Variants in REDIC1 observed in about 807,000 individuals in gnomAD.
REDIC1 encodes regulator of DNA class I crossover intermediates 1.
the REDIC1 span, among the ~76,000 whole-genome samples, chr12:39,768,962 C>A: frequency 1.3e-5 from 2 of 152,070 alleles, no homozygotes; most frequent in East Asian, 3.9e-4. Context: ...TCACTAGCCT[C>A]TAGAATCCAT....
At chr12:39,751,597 G>C in the REDIC1 span, among the ~76,000 whole-genome samples, 7 of 152,142 alleles carry the variant, frequency 4.6e-5, no homozygotes, top group African/African-American at 1.7e-4. Context: ...AAAGACACAT[G>C]GACATGTATG....
chr12:39,765,532 A>G, the REDIC1 span, among the ~76,000 whole-genome samples: 1 of 151,884 alleles, frequency 6.6e-6, no homozygotes, highest in African/African-American at 2.4e-5. Context: ...CCTATCCCCT[A>G]TTGTCAATTT....
the REDIC1 span, among the ~76,000 whole-genome samples, chr12:39,889,973 T>C: frequency 6.6e-6 from 1 of 152,200 alleles, no homozygotes; most frequent in Admixed American, 6.5e-5. Flanking sequence ...CTCTGGCCAA[T>C]AATATTTTAC....
chr12:39,658,104 A>T, the REDIC1 span, among the ~76,000 whole-genome samples: 1 of 150,230 alleles, frequency 6.7e-6, no homozygotes, highest in Non-Finnish European at 1.5e-5. Context: ...TTTTTGAGAC[A>T]GTGTCTAGCT....
the REDIC1 span, among the ~76,000 whole-genome samples, chr12:39,744,588 G>A: frequency 6.6e-6 from 1 of 152,086 alleles, no homozygotes; most frequent in Admixed American, 6.6e-5. Context: ...TACCCACAAA[G>A]GGCTATAGTG....
the REDIC1 span, among the ~76,000 whole-genome samples, chr12:39,738,832 A>G: frequency 1.3e-5 from 2 of 151,852 alleles, no homozygotes; most frequent in Non-Finnish European, 2.9e-5. Flanking sequence ...GGGAGCATCC[A>G]AAATTTGTTT....
the REDIC1 span, among the ~76,000 whole-genome samples, chr12:39,712,941 G>T: frequency 7.0e-6 from 1 of 142,820 alleles, no homozygotes; most frequent in Non-Finnish European, 1.5e-5. Flanking sequence ...GTGTATATAC[G>T]TGTATATACA....
chr12:39,644,055 T>A, the REDIC1 span: 1 of 628,414 alleles, frequency 1.6e-6, no homozygotes, highest in Non-Finnish European at 2.7e-6. Flanking sequence ...TTAAATTAGA[T>A]GCCTAGTTAA....
At chr12:39,703,522 C>T in the REDIC1 span, among the ~76,000 whole-genome samples, 685 of 151,446 alleles carry the variant, frequency 4.5e-3, 4 homozygotes, top group Middle Eastern at 0.017. Flanking sequence ...AGGTAATTTA[C>T]AGATTCAATG....
the REDIC1 span, among the ~76,000 whole-genome samples, chr12:39,884,447 A>G: frequency 6.6e-6 from 1 of 152,238 alleles, no homozygotes; most frequent in African/African-American, 2.4e-5. Flanking sequence ...AATAAGTCAC[A>G]GTAATAAATT....
the REDIC1 span, among the ~76,000 whole-genome samples, chr12:39,811,581 A>G: frequency 4.6e-5 from 7 of 152,250 alleles, no homozygotes; most frequent in East Asian, 1.4e-3. Flanking sequence ...TTATTTAGAA[A>G]TGTATTGTTT....
At chr12:39,767,147 T>C in the REDIC1 span, among the ~76,000 whole-genome samples, 3 of 152,064 alleles carry the variant, frequency 2.0e-5, no homozygotes, top group African/African-American at 7.2e-5. Flanking sequence ...TTTTAAATAA[T>C]AAGACTTGAA....
chr12:39,853,316 T>G, the REDIC1 span, among the ~76,000 whole-genome samples: 1 of 152,158 alleles, frequency 6.6e-6, no homozygotes, highest in Non-Finnish European at 1.5e-5. Context: ...GTGATCTAAG[T>G]GCTGTTTGGC....
the REDIC1 span, among the ~76,000 whole-genome samples, chr12:39,695,397 G>C: frequency 6.6e-6 from 1 of 152,202 alleles, no homozygotes; most frequent in Middle Eastern, 3.4e-3. Context: ...CGCAGCCTAG[G>C]CATCATTCAC....
At chr12:39,686,487 T>C in the REDIC1 span, among the ~76,000 whole-genome samples, 1 of 152,156 alleles carries the variant, frequency 6.6e-6, no homozygotes, top group Non-Finnish European at 1.5e-5. Flanking sequence ...GTGACTGGGA[T>C]ACAGGGAGCA....
At chr12:39,713,314 A>ATATATGTGTACACACACATACGTG in the REDIC1 span, among the ~76,000 whole-genome samples, 2 of 145,310 alleles carry the variant, frequency 1.4e-5, no homozygotes, top group South Asian at 4.2e-4. Context: ...ACATACGTGT[A>ATATATGTGTACACACACATACGTG]TATATGTGTA....
At chr12:39,869,638 G>T in the REDIC1 span, among the ~76,000 whole-genome samples, 1 of 152,092 alleles carries the variant, frequency 6.6e-6, no homozygotes, top group African/African-American at 2.4e-5. Context: ...GAAATCCCCT[G>T]GTGTTTCCCG....
chr12:39,647,734 C>T, the REDIC1 span: 1 of 1,207,994 alleles, frequency 8.3e-7, no homozygotes, highest in Non-Finnish European at 1.1e-6. Context: ...TTTTGACTTT[C>T]CTCTTCTCTA....
chr12:39,794,068 CT>C, the REDIC1 span, among the ~76,000 whole-genome samples: 1 of 135,618 alleles, frequency 7.4e-6, no homozygotes, highest in African/African-American at 2.8e-5. Flanking sequence ...CTAAATTACT[CT>C]TTTGAGCTAG....
Sources: gnomAD v4.1 joint callset for allele counts (sites outside exome capture counted in the v4.1 genomes callset) on GRCh38, gnomAD v4.1.1 for gene constraint, MANE v1.5 for transcripts, NCBI Gene and HGNC (gene_info 2026-07-23, HGNC 2026-07-21) for gene names.